The following DCAF8L2 variants were observed in gnomAD, a reference collection of about 807,000 sequenced individuals.
The protein encoded by DCAF8L2 is DDB1- and CUL4-associated factor 8-like protein 2.
For synonymous variants in DCAF8L2, 200 were observed against 190.9 expected, an observed-to-expected ratio of 1.05 and a Z score of -0.39; for missense variants, 430 against 490.7, an observed-to-expected ratio of 0.88 and a Z score of 1.17.
At chrX:27,558,355 G>T in the DCAF8L2 span, among the ~76,000 whole-genome samples, 2 of 111,522 alleles carry the variant, frequency 1.8e-5, no homozygotes, top group African/African-American at 6.5e-5. Flanking sequence ...TGCCACTCTT[G>T]CTTTGTCCCT....
chrX:27,658,427 A>C (rs767735451), intron 2 of DCAF8L2, among the ~76,000 whole-genome samples: 1 of 112,111 alleles, frequency 8.9e-6, no homozygotes, highest in South Asian at 3.7e-4. Context: ...GAAATACTAA[A>C]ATTTCAAAAT....
the DCAF8L2 span, among the ~76,000 whole-genome samples, chrX:27,538,263 GT>G: frequency 8.9e-6 from 1 of 112,028 alleles, no homozygotes. Context: ...CCACAGTGGA[GT>G]TTTAGTACCA....
chrX:27,566,230 A>T, the DCAF8L2 span, among the ~76,000 whole-genome samples: 9 of 110,359 alleles, frequency 8.2e-5, no homozygotes, highest in Admixed American at 2.0e-4. Flanking sequence ...TACAACAAAA[A>T]TGTTTTATGT....
In DCAF8L2 at chrX:27,746,798, A is replaced by G; in HGVS notation, c.-58-40A>G. On this transcript the variant is annotated intron_variant, in intron 4 of 4. Transcript: ENST00000451261. ...TGATTGCCACGCGCTTACTTCCTTCACTACCATCAGTCCTAACCGCAGGCC... is the reference window on the plus strand; with the variant it reads ...TGATTGCCACGCGCTTACTTCCTTCGCTACCATCAGTCCTAACCGCAGGCC... 3 of 802,209 alleles carry G rather than the reference A, an allele frequency of 3.7e-6. No homozygotes were observed. In the African/African-American group the frequency reaches 6.2e-5, roughly 17 times the overall value. The allele number at this position is 802,209 out of a possible 1,213,427, so 66.1% of individuals were successfully genotyped here. A position where few individuals can be genotyped will look rare whatever the true frequency, so the allele number is the denominator to read the frequency against.
At chrX:27,509,092 G>T in the DCAF8L2 span, among the ~76,000 whole-genome samples, 1 of 111,526 alleles carries the variant, frequency 9.0e-6, no homozygotes, top group African/African-American at 3.2e-5. Context: ...TAGTTCAAGT[G>T]GTTTTTTTCT....
the DCAF8L2 span, among the ~76,000 whole-genome samples, chrX:27,549,226 A>T: frequency 4.7e-4 from 52 of 110,840 alleles, 1 homozygote; most frequent in Admixed American, 2.5e-3. Context: ...CACTCTTAAA[A>T]TTTTTTTTTC....
intron 2 of DCAF8L2, among the ~76,000 whole-genome samples, chrX:27,672,244 C>T (rs769358644): frequency 8.9e-6 from 1 of 111,919 alleles, no homozygotes; most frequent in South Asian, 3.7e-4. Context: ...TACAGATCAG[C>T]TTATCTAAAG....
chrX:27,561,647 G>A, the DCAF8L2 span, among the ~76,000 whole-genome samples: 2 of 110,933 alleles, frequency 1.8e-5, no homozygotes, highest in Non-Finnish European at 3.8e-5. Context: ...GAATATATCT[G>A]TTCTGGATAT....
intron 3 of DCAF8L2, among the ~76,000 whole-genome samples, chrX:27,710,477 CTA>C (rs770719590): frequency 1.8e-5 from 2 of 111,290 alleles, no homozygotes; most frequent in Non-Finnish European, 3.8e-5. Flanking sequence ...TCAGTGTTCT[CTA>C]GTCTCAATTC....
the DCAF8L2 span, among the ~76,000 whole-genome samples, chrX:27,564,062 G>A: frequency 8.9e-6 from 1 of 111,797 alleles, no homozygotes; most frequent in Non-Finnish European, 1.9e-5. Context: ...ATATACCTGA[G>A]ACTGGGTAAT....
the DCAF8L2 span, among the ~76,000 whole-genome samples, chrX:27,529,416 A>G: frequency 8.9e-6 from 1 of 111,795 alleles, no homozygotes; most frequent in East Asian, 2.8e-4. Context: ...CATAAAAATT[A>G]GATCAGGTAC....
chrX:27,513,342 TATTTGGTTAATATCTGGA>T, the DCAF8L2 span, among the ~76,000 whole-genome samples: 67 of 111,877 alleles, frequency 6.0e-4, 1 homozygote, highest in Non-Finnish European at 9.4e-5. Context: ...GTAAACTATG[TATTTGGTTAATATCTGGA>T]ATATATAAGG....
chrX:27,596,976 G>A (rs1324876108), intron 1 of DCAF8L2, among the ~76,000 whole-genome samples: 1 of 110,914 alleles, frequency 9.0e-6, no homozygotes, highest in Non-Finnish European at 1.9e-5. Flanking sequence ...TTTGTTTTCT[G>A]TTGTTATTAG....
chrX:27,677,089 A>G (rs1930164441), intron 2 of DCAF8L2: 1 of 111,773 alleles, frequency 8.9e-6, no homozygotes, highest in Non-Finnish European at 1.9e-5. Context: ...AATTGAAATT[A>G]TGGTGTTCAG....
the DCAF8L2 span, among the ~76,000 whole-genome samples, chrX:27,577,163 C>T: frequency 8.9e-6 from 1 of 112,017 alleles, no homozygotes; most frequent in Non-Finnish European, 1.9e-5. Flanking sequence ...ACTGGAGAAT[C>T]AGGTCAGCCA....
chrX:27,607,576 G>A (rs2147131487), intron 1 of DCAF8L2, among the ~76,000 whole-genome samples: 1 of 111,068 alleles, frequency 9.0e-6, no homozygotes, highest in South Asian at 3.8e-4. Context: ...GTGTTTCATG[G>A]CATTTTCACT....
chrX:27,580,551 T>C, the DCAF8L2 span, among the ~76,000 whole-genome samples: 7 of 111,045 alleles, frequency 6.3e-5, no homozygotes, highest in Non-Finnish European at 1.3e-4. Context: ...AGTCTGTCAA[T>C]CCCTAGGGGC....
At chrX:27,592,131 G>A (rs1926119774) in intron 1 of DCAF8L2, among the ~76,000 whole-genome samples, 1 of 112,504 alleles carries the variant, frequency 8.9e-6, no homozygotes, top group Non-Finnish European at 1.9e-5. Flanking sequence ...GGTAGGAGGA[G>A]TAGCGCCTGC....
chrX:27,714,724 A>G (rs367706904), intron 3 of DCAF8L2, among the ~76,000 whole-genome samples: 1 of 111,401 alleles, frequency 9.0e-6, no homozygotes, highest in African/African-American at 3.3e-5. Flanking sequence ...GAGATTGAAT[A>G]TATTGACAGG....
Sources: gnomAD v4.1 joint callset for allele counts (sites outside exome capture counted in the v4.1 genomes callset) on GRCh38, gnomAD v4.1.1 for gene constraint, MANE v1.5 for transcripts, NCBI Gene and HGNC (gene_info 2026-07-23, HGNC 2026-07-21) for gene names.